Variants in TENM3 observed in about 807,000 individuals in gnomAD.
TENM3 encodes the protein teneurin-3.
TENM3 carries 63 observed loss-of-function variants against 255.1 expected under a neutral mutation model. The ratio of observed to expected loss-of-function variants is 0.25; its 90% CI spans 0.20 to 0.30. TENM3 has a LOEUF of 0.30. Ranked by LOEUF, TENM3 falls within the 10% of genes least tolerant of loss-of-function variation. The pLI is 1.00. For synonymous variants in TENM3, 1,306 were observed against 1,322.3 expected (o/e 0.99, Z 0.27); for missense variants, 2,929 against 3,461.1 (o/e 0.85, Z 3.86).
the TENM3 span, among the ~76,000 whole-genome samples, chr4:181,462,308 G>T: frequency 6.6e-6 from 1 of 152,012 alleles, no homozygotes; most frequent in African/African-American, 2.4e-5. Context: ...CCCATTTGCC[G>T]ACCTCCAGAG....
intron 3 of TENM3, among the ~76,000 whole-genome samples, chr4:182,522,066 A>G (rs888396010): frequency 6.6e-6 from 1 of 152,226 alleles, no homozygotes; most frequent in African/African-American, 2.4e-5. Context: ...TTATTGATAG[A>G]GCTGTACGTG....
intron 1 of TENM3, among the ~76,000 whole-genome samples, chr4:182,157,610 C>G (rs532889443): frequency 6.6e-6 from 1 of 152,268 alleles, no homozygotes; most frequent in South Asian, 2.1e-4. Flanking sequence ...TAGGACTGCT[C>G]AGGTTCTAAA....
the TENM3 span, among the ~76,000 whole-genome samples, chr4:181,989,472 T>A: frequency 1.1e-4 from 17 of 152,170 alleles, no homozygotes; most frequent in Admixed American, 5.2e-4. Context: ...CTTTAGAAAT[T>A]TTCTTTAACA....
Position 182,310,770 on chromosome 4 carries a change from G to A in TENM3, c.-75-13176G>A, listed in dbSNP as rs573374975. On this transcript the variant is annotated intron_variant, in intron 1 of 27. Coordinates refer to ENST00000511685, the MANE Select transcript of TENM3 (RefSeq NM_001080477.4). ...TGACCAGGCTGCAGTGCAGTGGCACGATCTTGGCTCACTGCAGCCTCCGTC... is the reference window on the plus strand; with the variant it reads ...TGACCAGGCTGCAGTGCAGTGGCACAATCTTGGCTCACTGCAGCCTCCGTC... 2.0e-3 allele frequency among the ~76,000 whole-genome samples: 306 copies of A among 151,968 alleles called. 2 individuals carry two copies. Among genetic ancestry groups the A allele is most frequent in the African/African-American group, 7.1e-3 (296 of 41,448 alleles).
the TENM3 span, among the ~76,000 whole-genome samples, chr4:181,466,524 T>G: frequency 2.4e-3 from 370 of 152,300 alleles, 3 homozygotes; most frequent in Middle Eastern, 6.8e-3. Flanking sequence ...TGTATGTAAT[T>G]TATTCCTATA....
the TENM3 span, among the ~76,000 whole-genome samples, chr4:182,136,529 G>T: frequency 4.6e-5 from 7 of 152,280 alleles, no homozygotes; most frequent in African/African-American, 1.7e-4. Context: ...CAAAATCATT[G>T]AAATTACGGT....
chr4:182,251,784 A>G (rs1366866691), intron 1 of TENM3, among the ~76,000 whole-genome samples: 1 of 152,240 alleles, frequency 6.6e-6, no homozygotes, highest in African/African-American at 2.4e-5. Flanking sequence ...GGGTTAAAAC[A>G]TGCACAGAAC....
chr4:181,790,437 A>G, the TENM3 span, among the ~76,000 whole-genome samples: 1 of 152,196 alleles, frequency 6.6e-6, no homozygotes, highest in Non-Finnish European at 1.5e-5. Context: ...TCTAACAACA[A>G]TTAATTGCAC....
In TENM3 at chr4:182,800,397, T is replaced by G; in HGVS notation, c.*46T>G. 1 of 1,511,388 alleles carries G rather than the reference T, an allele frequency of 6.6e-7. No individual in the cohort carries two copies. 93.6% of individuals were successfully genotyped at this position (1,511,388 alleles called of 1,614,324 possible). On this transcript the variant is annotated 3_prime_UTR_variant, in exon 28 of 28. Coordinates refer to ENST00000511685, the MANE Select transcript of TENM3 (RefSeq NM_001080477.4). ...AGCCGCTCACGCCCTGCCCACATTG[T>G]CCTGTGGCACAACCCGAGTGGGACT... is the stretch of plus-strand genomic sequence containing the variant.
At chr4:182,299,681 T>C (rs939987253) in intron 1 of TENM3, among the ~76,000 whole-genome samples, 2 of 152,154 alleles carry the variant, frequency 1.3e-5, no homozygotes, top group South Asian at 4.1e-4. Context: ...CAAGGTGTTA[T>C]TATCCCCCAT....
the TENM3 span, among the ~76,000 whole-genome samples, chr4:181,637,058 T>C: frequency 7.2e-5 from 11 of 152,324 alleles, no homozygotes; most frequent in Non-Finnish European, 1.5e-4. Flanking sequence ...GATACCCATA[T>C]GCCTTGCTCT....
the TENM3 span, among the ~76,000 whole-genome samples, chr4:181,685,013 A>G: frequency 7.8e-6 from 1 of 128,674 alleles, no homozygotes; most frequent in African/African-American, 3.0e-5. Flanking sequence ...TGATCCTCCC[A>G]CCACCCTCCC....
the TENM3 span, among the ~76,000 whole-genome samples, chr4:182,090,071 A>G: frequency 6.6e-6 from 1 of 152,246 alleles, no homozygotes; most frequent in Non-Finnish European, 1.5e-5. Flanking sequence ...AAGGTTTAGT[A>G]TCTGAAATTA....
At chr4:181,654,943 A>G in the TENM3 span, among the ~76,000 whole-genome samples, 1 of 152,180 alleles carries the variant, frequency 6.6e-6, no homozygotes, top group Admixed American at 6.5e-5. Context: ...AGGTGAATGT[A>G]GAAACATAAA....
At chr4:181,617,536 T>A in the TENM3 span, among the ~76,000 whole-genome samples, 1 of 152,116 alleles carries the variant, frequency 6.6e-6, no homozygotes, top group Non-Finnish European at 1.5e-5. Flanking sequence ...GAAAGTCCGG[T>A]GCCTACAGAG....
the TENM3 span, among the ~76,000 whole-genome samples, chr4:182,134,973 C>T: frequency 3.7e-4 from 56 of 151,794 alleles, no homozygotes; most frequent in East Asian, 3.1e-3. Flanking sequence ...TTTGGGAGGC[C>T]GAGGAGGGTG....
chr4:182,753,394 T>C, intron 20 of TENM3, 56 bp from the exon 21 acceptor site: 1 of 1,476,060 alleles, frequency 6.8e-7, no homozygotes, highest in Non-Finnish European at 9.4e-7. Context: ...GCCTAATAGT[T>C]AATCAAAAGT....
chr4:181,790,397 T>A, the TENM3 span, among the ~76,000 whole-genome samples: 1 of 152,222 alleles, frequency 6.6e-6, no homozygotes, highest in Non-Finnish European at 1.5e-5. Flanking sequence ...CAAGATTGTG[T>A]CTGCAATGTG....
chr4:182,569,387 C>T (rs1171530651), intron 3 of TENM3, among the ~76,000 whole-genome samples: 1 of 151,864 alleles, frequency 6.6e-6, no homozygotes, highest in East Asian at 1.9e-4. Flanking sequence ...AACCCTGTCT[C>T]TACTAAAAAT....
Sources: allele counts gnomAD v4.1 joint callset (sites outside exome capture counted in the v4.1 genomes callset), GRCh38; gene constraint gnomAD v4.1.1; transcripts MANE v1.5; gene names NCBI Gene and HGNC (gene_info 2026-07-23, HGNC 2026-07-21).